PUS10: variants seen among roughly 807,000 people sequenced by gnomAD.
PUS10 encodes pseudouridine synthase 10.
Under a neutral mutation model 75.0 loss-of-function variants are expected in PUS10, and 59 were observed. The observed-to-expected ratio is 0.79, with a 90% CI of 0.64 to 0.98. PUS10 has a LOEUF of 0.98. PUS10 is among the 50% of genes least tolerant of loss of function. PUS10 has a pLI of 0.00. For synonymous variants in PUS10, 219 were observed against 211.6 expected, an observed-to-expected ratio of 1.03 and a Z score of -0.30; for missense variants, 650 against 614.4, an observed-to-expected ratio of 1.06 and a Z score of -0.61.
chr2:60,970,659 GA>G lies in PUS10; in HGVS notation c.503+863del, dbSNP rs201937469. On this transcript the variant is annotated intron_variant, in intron 5 of 17. Transcript: ENST00000316752. ...GTACCACCCCAGAGCCTGGGCGGGG[GA>G]GGGGACGGAAATGATATACATGATC... Among the ~76,000 whole-genome samples, 898 of 151,890 alleles carry G rather than the reference GA, an allele frequency of 5.9e-3. 1 individual carries two copies. The highest frequency in any genetic ancestry group is 6.8e-3 in the Non-Finnish European group (463 of 67,958).
chr2:60,961,728 A>G (rs1393292316), intron 9 of PUS10, among the ~76,000 whole-genome samples, 180 bp from the exon 10 acceptor site: 1 of 152,224 alleles, frequency 6.6e-6, no homozygotes, highest in African/African-American at 2.4e-5. Flanking sequence ...TGAGAGTGGC[A>G]CTAAGTAAAT....
chr2:60,953,843 A>G, intron 14 of PUS10, 90 bp downstream of exon 14: 1 of 943,830 alleles, frequency 1.1e-6, no homozygotes, highest in Non-Finnish European at 1.7e-6. Flanking sequence ...AGAGTTCTTT[A>G]TATATTCTGG....
intron 7 of PUS10, 83 bp downstream of exon 7, chr2:60,965,340 G>A (rs1402847150): frequency 3.5e-6 from 4 of 1,151,288 alleles, no homozygotes; most frequent in Admixed American, 2.0e-5. Flanking sequence ...TTTCTTATTA[G>A]GAAGAGAAGC....
chr2:60,962,810 C>T lies in PUS10; in HGVS notation c.788+16G>A. ...AAAATTTCACGATGCTTCTTTGTTT[C>T]TAAACTTCTACTTACTTAAGGAAAT... On this transcript the variant is annotated intron_variant, in intron 9 of 17. Transcript: ENST00000316752. 1.3e-6 allele frequency: 2 copies of T among 1,577,980 alleles called. No homozygotes were observed. Among genetic ancestry groups the T allele is most frequent in the East Asian group, 2.3e-5 (1 of 43,542 alleles).
chr2:60,973,874 C>T (rs192089163), intron 4 of PUS10, among the ~76,000 whole-genome samples: 91 of 152,366 alleles, frequency 6.0e-4, no homozygotes, highest in Admixed American at 1.8e-3. Context: ...GCCCTGGACT[C>T]AGCCAGACCC....
intron 4 of PUS10, among the ~76,000 whole-genome samples, chr2:60,994,994 G>A (rs1469821642): frequency 6.6e-6 from 1 of 152,186 alleles, no homozygotes; most frequent in Non-Finnish European, 1.5e-5. Flanking sequence ...GGAGCCTGAG[G>A]CAGGAGAATC....
At chr2:61,005,539 C>G (rs890009962) in intron 4 of PUS10, among the ~76,000 whole-genome samples, 1 of 152,144 alleles carries the variant, frequency 6.6e-6, no homozygotes, top group Non-Finnish European at 1.5e-5. Flanking sequence ...TCAAAACTTT[C>G]ACTAAAGTGA....
intron 15 of PUS10, among the ~76,000 whole-genome samples, chr2:60,948,761 C>T (rs540446552): frequency 6.6e-6 from 1 of 152,264 alleles, no homozygotes; most frequent in African/African-American, 2.4e-5. Flanking sequence ...TGTCTTTTTA[C>T]ATTTCAGATT....
chr2:60,975,024 T>A (rs1341778871), intron 4 of PUS10, among the ~76,000 whole-genome samples: 1 of 152,262 alleles, frequency 6.6e-6, no homozygotes, highest in Non-Finnish European at 1.5e-5. Context: ...CCTTCTGATG[T>A]GTTAGTTTAC....
At chr2:61,013,922 G>T (rs1202778121) in intron 1 of PUS10, among the ~76,000 whole-genome samples, 1 of 150,060 alleles carries the variant, frequency 6.7e-6, no homozygotes, top group Admixed American at 6.6e-5. Context: ...CTGGGCAACA[G>T]AGTGAGATGC....
chr2:60,993,392 C>T (rs968399783), intron 4 of PUS10, among the ~76,000 whole-genome samples: 29 of 151,508 alleles, frequency 1.9e-4, no homozygotes, highest in Admixed American at 1.8e-3. Flanking sequence ...GTGAGGTGGA[C>T]GTTGCAGTGA....
At chr2:60,956,997 A>AAG (rs1558883159) in intron 11 of PUS10, among the ~76,000 whole-genome samples, 1 of 150,396 alleles carries the variant, frequency 6.6e-6, no homozygotes, top group African/African-American at 2.4e-5. Flanking sequence ...AAAAAAAAAA[A>AAG]AAAGAAAGAA....
intron 4 of PUS10, among the ~76,000 whole-genome samples, chr2:60,973,929 C>A (rs1344795178): frequency 2.0e-5 from 3 of 152,208 alleles, no homozygotes; most frequent in African/African-American, 7.2e-5. Context: ...GCTATCCACC[C>A]CAGAGTCTCT....
intron 11 of PUS10, among the ~76,000 whole-genome samples, chr2:60,959,977 G>A (rs1675913924): frequency 6.6e-6 from 1 of 150,380 alleles, no homozygotes; most frequent in African/African-American, 2.4e-5. Context: ...CCAGGAGTTC[G>A]AGACCAGCCT....
intron 10 of PUS10, among the ~76,000 whole-genome samples, chr2:60,960,732 G>A (rs1675976199): frequency 6.6e-6 from 1 of 151,406 alleles, no homozygotes; most frequent in South Asian, 2.1e-4. Flanking sequence ...AAATAGATGG[G>A]TAAATATATG....
At position 61,018,237 on chromosome 2, in the gene PUS10, G is replaced by C. The variant is rs1236716913; in HGVS notation, c.-245C>G. On this transcript the variant is annotated 5_prime_UTR_variant, in exon 1 of 18. Coordinates refer to ENST00000316752, the MANE Select transcript of PUS10 (RefSeq NM_144709.4). ...GCGGCATTTGTCCAGCCACGGCATCGACAGGGAGCAAAGTCTCTCCTTAAA... is the reference window on the plus strand; with the variant it reads ...GCGGCATTTGTCCAGCCACGGCATCCACAGGGAGCAAAGTCTCTCCTTAAA... The C allele has an allele frequency of 3.2e-6, 5 of 1,551,082 alleles. No homozygotes were observed. Among genetic ancestry groups the C allele is most frequent in the Non-Finnish European group, 8.7e-7 (1 of 1,146,980 alleles).
chr2:60,987,712 C>A (rs1424727841), intron 4 of PUS10, among the ~76,000 whole-genome samples: 2 of 152,146 alleles, frequency 1.3e-5, no homozygotes, highest in Non-Finnish European at 2.9e-5. Context: ...CACTTGAGGT[C>A]AGGAGTTCGA....
chr2:60,966,284 T>C (rs1558904971), intron 6 of PUS10: 2 of 152,034 alleles, frequency 1.3e-5, no homozygotes, highest in African/African-American at 4.8e-5. Flanking sequence ...TTTACCTCCA[T>C]GGAGAATATA....
intron 2 of PUS10, among the ~76,000 whole-genome samples, chr2:61,009,656 A>T (rs1679471788): frequency 6.6e-6 from 1 of 152,214 alleles, no homozygotes; most frequent in Non-Finnish European, 1.5e-5. Flanking sequence ...ATTAGAATTT[A>T]AAAACCTGCA....
Sources: gnomAD v4.1 joint callset for allele counts (sites outside exome capture counted in the v4.1 genomes callset) on GRCh38, gnomAD v4.1.1 for gene constraint, MANE v1.5 for transcripts, NCBI Gene and HGNC (gene_info 2026-07-23, HGNC 2026-07-21) for gene names.